The following RASGRF1 variants were observed in gnomAD, a reference collection of about 807,000 sequenced individuals.
RASGRF1 encodes Ras protein specific guanine nucleotide releasing factor 1.
In RASGRF1, 40 loss-of-function variants were observed where a neutral mutation model predicts 138.7. The ratio of observed to expected loss-of-function variants is 0.29; its 90% CI spans 0.22 to 0.38. The LOEUF is 0.38. Among genes scored for constraint, RASGRF1 ranks in the 10% least tolerant of loss-of-function variants. The probability of loss-of-function intolerance (pLI) is 1.00; values close to 1 mark genes in which losing one functional copy is unlikely to be tolerated. For missense variants in RASGRF1, 1,108 were observed against 1,650.4 expected, an observed-to-expected ratio of 0.67 and a Z score of 5.69; for synonymous variants, 614 against 663.2, an observed-to-expected ratio of 0.93 and a Z score of 1.14.
chr15:79,012,599 C>A, intron 13 of RASGRF1: 2 of 1,590,486 alleles, frequency 1.3e-6, no homozygotes, highest in Non-Finnish European at 1.7e-6. Context: ...TCTGGACATT[C>A]CATTCACTTT....
intron 1 of RASGRF1, among the ~76,000 whole-genome samples, chr15:79,088,101 T>C (rs2058005863): frequency 6.6e-6 from 1 of 152,210 alleles, no homozygotes; most frequent in South Asian, 2.1e-4. Context: ...TTGAAATCAA[T>C]GTAGGGTCTC....
At position 79,029,331 on chromosome 15, in the gene RASGRF1, G is replaced by A. The variant is rs2057104751; in HGVS notation, c.1263-1472C>T. On this transcript the variant is annotated intron_variant, in intron 8 of 26. Transcript: ENST00000558480. Reference sequence around the variant, plus strand: ...GGATCCATTATGGAAATAGCCAATGGTAATTAAAACCACTTCTCTTGATGA... The same window carrying A: ...GGATCCATTATGGAAATAGCCAATGATAATTAAAACCACTTCTCTTGATGA... Among the ~76,000 whole-genome samples the A allele has an allele frequency of 2.0e-5, 3 of 152,260 alleles. No homozygotes were observed. In the South Asian group the frequency reaches 6.2e-4, roughly 32 times the overall value.
In RASGRF1 at chr15:78,971,037, AG is replaced by A. The variant is rs535152130; in HGVS notation, c.3681+828del. ...GCCAGCCATTTGGTGGTGGTGGTGG[AG>A]GGGGTCACTGTACTTAGCATTACAC... On this transcript the variant is annotated intron_variant, in intron 26 of 26. Transcript: ENST00000558480. 6.5e-3 allele frequency among the ~76,000 whole-genome samples: 991 copies of A among 152,148 alleles called. 8 individuals are homozygous for A. Among genetic ancestry groups the A allele is most frequent in the Middle Eastern group, 0.037 (11 of 294 alleles).
chr15:79,031,549 A>G (rs2057136814), intron 7 of RASGRF1, 40 bp from the exon 8 acceptor site: 1 of 1,366,048 alleles, frequency 7.3e-7, no homozygotes, highest in African/African-American at 1.5e-5. Flanking sequence ...AGAAAGAGCC[A>G]GGGAAGTATG....
chr15:79,072,337 A>G (rs866986003), intron 1 of RASGRF1, among the ~76,000 whole-genome samples: 2 of 121,568 alleles, frequency 1.6e-5, no homozygotes, highest in Middle Eastern at 6.5e-3. Flanking sequence ...GTGCAGTGGC[A>G]TGATCTTAGC....
chr15:78,971,670 G>C (rs1335608611), intron 26 of RASGRF1, among the ~76,000 whole-genome samples, 196 bp downstream of exon 26: 1 of 152,204 alleles, frequency 6.6e-6, no homozygotes, highest in Non-Finnish European at 1.5e-5. Flanking sequence ...AATCAGACAA[G>C]AGTCACAAGA....
intron 22 of RASGRF1, among the ~76,000 whole-genome samples, chr15:78,986,449 C>T (rs756618594): frequency 2.0e-5 from 3 of 151,554 alleles, no homozygotes; most frequent in Admixed American, 6.6e-5. Context: ...TGGGTTCAAG[C>T]GATTCTCCTA....
intron 22 of RASGRF1, among the ~76,000 whole-genome samples, chr15:78,989,836 T>C (rs891357448): frequency 5.3e-5 from 8 of 152,250 alleles, no homozygotes; most frequent in Non-Finnish European, 1.2e-4. Context: ...CATTCCCTTC[T>C]GTTCTCTTTG....
chr15:78,966,504 T>C lies in RASGRF1; in HGVS notation c.3682-4268A>G, dbSNP rs150949808. On this transcript the variant is annotated intron_variant, in intron 26 of 26. Coordinates refer to ENST00000558480, the MANE Select transcript of RASGRF1 (RefSeq NM_001145648.3). ...ATTCTCCTGTCTTGGCCTCCCAAAG[T>C]GCTGGGATTACAGTTGAGAGCCACC... Among the ~76,000 whole-genome samples, 1,158 of 152,256 alleles carry C rather than the reference T, an allele frequency of 7.6e-3. 20 individuals are homozygous for C. The highest frequency in any genetic ancestry group is 0.027 in the African/African-American group (1,121 of 41,564).
In RASGRF1 at chr15:79,020,071, A is replaced by G. The variant is rs1260206168; in HGVS notation, c.1576T>C (p.Leu526=). 3.1e-6 allele frequency: 5 copies of G among 1,614,146 alleles called. No individual in the cohort carries two copies. Among genetic ancestry groups the G allele is most frequent in the Non-Finnish European group, 3.4e-6 (4 of 1,180,042 alleles). ...GVISLIDCTL[L]EEPESTEEEA... ...TCCTCCGTGCTTTCTGGCTCCTCCA[A>G]TAAAGTGCAGTCAATGAGGGATATG... The change falls in exon 11 of 27, where the codon TTG becomes CTG. Residue 526 remains leucine (L), a synonymous_variant. Transcript: ENST00000558480.
intron 22 of RASGRF1, 136 bp from the exon 23 acceptor site, chr15:78,985,340 A>T: frequency 1.1e-6 from 1 of 945,978 alleles, no homozygotes; most frequent in Non-Finnish European, 1.5e-6. Flanking sequence ...CAACTAACAG[A>T]GCTTGCTAGG....
At position 78,973,218 on chromosome 15, in the gene RASGRF1, T is replaced by TG. The variant is rs2055805170; in HGVS notation, c.3612+84dup. ...GCACCCTATGCAGCAGGTTGGGCCT[T>TG]GGGGGGCAGAGTGTGGGTGGGCCCC... On this transcript the variant is annotated intron_variant, in intron 25 of 26. Coordinates refer to ENST00000558480, the MANE Select transcript of RASGRF1 (RefSeq NM_001145648.3). The surrounding 1 kb of genome is among the most constrained non-coding windows in gnomAD (Gnocchi z 4.9). 4 of 1,149,858 alleles carry TG rather than the reference T, an allele frequency of 3.5e-6. No homozygotes were observed. The highest frequency in any genetic ancestry group is 2.5e-5 in the East Asian group (1 of 40,760). The allele number at this position is 1,149,858 out of a possible 1,614,324, so 71.2% of individuals were successfully genotyped here.
chr15:79,028,757 C>A (rs2057096561), intron 8 of RASGRF1, among the ~76,000 whole-genome samples: 1 of 152,202 alleles, frequency 6.6e-6, no homozygotes, highest in Admixed American at 6.5e-5. Context: ...GCTGCTGATG[C>A]CTGAATTTCC....
At position 79,027,492 on chromosome 15, in the gene RASGRF1, A is replaced by G. The variant is rs902385831; in HGVS notation, c.1381+249T>C. On this transcript the variant is annotated intron_variant, in intron 9 of 26. Coordinates refer to ENST00000558480, the MANE Select transcript of RASGRF1 (RefSeq NM_001145648.3). The surrounding 1 kb of genome is among the most constrained non-coding windows in gnomAD (Gnocchi z 4.8). ...ATAGACAAACCAAGGCCATCTGGGTAGAATTCTGTTTACATCTGGAGAGAA... is the reference window on the plus strand; with the variant it reads ...ATAGACAAACCAAGGCCATCTGGGTGGAATTCTGTTTACATCTGGAGAGAA... 2.6e-5 allele frequency among the ~76,000 whole-genome samples: 4 copies of G among 152,262 alleles called. No homozygotes were observed. The South Asian group carries it at 8.3e-4, about 31-fold the overall frequency.
At chr15:78,993,619 T>C (rs529249440) in intron 20 of RASGRF1, among the ~76,000 whole-genome samples, 39 of 152,214 alleles carry the variant, frequency 2.6e-4, no homozygotes, top group Non-Finnish European at 4.1e-4. Flanking sequence ...CCTCAGCCTC[T>C]GAAGCAGCTG....
At chr15:79,079,046 C>T (rs918110644) in intron 1 of RASGRF1, among the ~76,000 whole-genome samples, 7 of 152,258 alleles carry the variant, frequency 4.6e-5, no homozygotes, top group Admixed American at 1.3e-4. Flanking sequence ...GAATCAGCCT[C>T]GAACGAGGCT....
intron 26 of RASGRF1, among the ~76,000 whole-genome samples, chr15:78,965,656 G>A (rs1036505936): frequency 1.3e-5 from 2 of 152,158 alleles, no homozygotes; most frequent in Non-Finnish European, 2.9e-5. Context: ...TTTGAGACTA[G>A]CCTGGCCAGT....
intron 17 of RASGRF1, among the ~76,000 whole-genome samples, chr15:78,999,214 T>G (rs2056462928): frequency 6.6e-6 from 1 of 151,996 alleles, no homozygotes; most frequent in South Asian, 2.1e-4. Flanking sequence ...GAGGTTCCCA[T>G]GGGCAATGGG....
At chr15:79,081,358 T>G (rs560542521) in intron 1 of RASGRF1, among the ~76,000 whole-genome samples, 1 of 152,334 alleles carries the variant, frequency 6.6e-6, no homozygotes, top group African/African-American at 2.4e-5. Flanking sequence ...CCTTTGCTAC[T>G]GCTCAGTTCT....
Sources: gnomAD v4.1 joint callset for allele counts (sites outside exome capture counted in the v4.1 genomes callset) on GRCh38, gnomAD v4.1.1 for gene constraint, Gnocchi (gnomAD v3.1) non-coding constraint, MANE v1.5 for transcripts, NCBI Gene and HGNC (gene_info 2026-07-23, HGNC 2026-07-21) for gene names.